The following GPR161 variants were observed in gnomAD, a reference collection of about 807,000 sequenced individuals.
The protein encoded by GPR161 is G-protein coupled receptor RE2.
A neutral mutation model predicts 39.2 loss-of-function variants in GPR161; 25 were observed. The ratio of observed to expected loss-of-function variants is 0.64; its 90% confidence interval spans 0.47 to 0.89. GPR161 has a LOEUF of 0.89. Among genes scored for constraint, GPR161 ranks in the 40% least tolerant of loss-of-function variants. GPR161 has a pLI of 0.00. For synonymous variants in GPR161, 286 were observed against 276.6 expected, an observed-to-expected ratio of 1.03 and a Z score of -0.34; for missense variants, 547 against 677.8, an observed-to-expected ratio of 0.81 and a Z score of 2.14.
chr1:168,084,368 T>A lies in GPR161; in HGVS notation c.*1163A>T. The A allele has an allele frequency of 9.7e-6, 2 of 205,166 alleles. No individual in the cohort carries two copies. Among genetic ancestry groups the A allele is most frequent in the South Asian group, 1.5e-4 (2 of 13,478 alleles). 12.7% of individuals were successfully genotyped at this position (205,166 alleles called of 1,614,324 possible). A position where few individuals can be genotyped will look rare whatever the true frequency, so the allele number is the denominator to read the frequency against. Reference sequence around the variant, plus strand: ...TTACAAATCCTGAGAACACCAAAGGTCAGAGCTGGAAATGATCTTGGAGAC... The same window carrying A: ...TTACAAATCCTGAGAACACCAAAGGACAGAGCTGGAAATGATCTTGGAGAC... On this transcript the variant is annotated 3_prime_UTR_variant, in exon 6 of 6. Transcript: ENST00000682931.
Position 168,085,723 on chromosome 1 carries a change from C to A in GPR161, c.1398G>T (p.Leu466Phe). 1 of 1,614,216 alleles carries A rather than the reference C, an allele frequency of 6.2e-7. No individual in the cohort carries two copies. The highest frequency in any genetic ancestry group is 1.3e-5 in the African/African-American group (1 of 75,064). Residue 466 changes from leucine to phenylalanine, a missense_variant, in exon 6 of 6, where the codon TTG (leucine) becomes TTT (phenylalanine). Coordinates refer to ENST00000682931, the MANE Select transcript of GPR161 (RefSeq NM_001375883.1). ...TGGCTTCGGCCTCAATGGCTTTGGCCAAGCTTGCTGCGTAACTGTCCAAGG... is the reference window on the plus strand; with the variant it reads ...TGGCTTCGGCCTCAATGGCTTTGGCAAAGCTTGCTGCGTAACTGTCCAAGG... ...HKSLDSYAAS[L>F]AKAIEAEAKI...
At position 168,082,284 on chromosome 1, in the gene GPR161, A is replaced by G. The variant is rs1272364038; in HGVS notation, c.*3247T>C. ...AATACCTGTGAACCTGGATGGGGTC[A>G]TGCATGTAAGCAGGCTAGCCAGGTG... On this transcript the variant is annotated 3_prime_UTR_variant, in exon 6 of 6. Coordinates refer to ENST00000682931, the MANE Select transcript of GPR161 (RefSeq NM_001375883.1). The G allele has an allele frequency of 6.6e-6, 1 of 152,300 alleles. No individual in the cohort carries two copies. Among genetic ancestry groups the G allele is most frequent in the Admixed American group, 6.5e-5 (1 of 15,292 alleles). The allele number at this position is 152,300 out of a possible 1,614,324, so 9.4% of individuals were successfully genotyped here.
intron 3 of GPR161, among the ~76,000 whole-genome samples, chr1:168,093,478 G>T (rs1158205756): frequency 6.6e-6 from 1 of 152,162 alleles, no homozygotes; most frequent in East Asian, 1.9e-4. Flanking sequence ...GAAATGTGTG[G>T]GATTCTGCTT....
intron 1 of GPR161, among the ~76,000 whole-genome samples, chr1:168,107,063 A>AC (rs11371544): frequency 0.33 from 50,496 of 151,918 alleles, 8,700 homozygotes; most frequent in Admixed American, 0.47. Flanking sequence ...CTACACATGT[A>AC]CCCCCAAATC....
At chr1:168,090,831 G>A (rs779797184) in intron 3 of GPR161, among the ~76,000 whole-genome samples, 163 bp from the exon 4 acceptor site, 3 of 152,150 alleles carry the variant, frequency 2.0e-5, no homozygotes, top group Non-Finnish European at 2.9e-5. Flanking sequence ...CTCCTGGCTC[G>A]CCCCTCTTTT....
intron 2 of GPR161, among the ~76,000 whole-genome samples, chr1:168,102,274 G>C (rs976319339): frequency 6.6e-6 from 1 of 152,174 alleles, no homozygotes. Flanking sequence ...TGCTGTTTAG[G>C]AACCTAGCTC....
chr1:168,128,229 C>A (rs1698730603), intron 1 of GPR161, among the ~76,000 whole-genome samples: 1 of 152,084 alleles, frequency 6.6e-6, no homozygotes, highest in Admixed American at 6.6e-5. Flanking sequence ...TGGGGAGGGT[C>A]TGAAAATATC....
rs983355148 is a variant in GPR161 at position 168,104,575 on chromosome 1, T to C, written c.276A>G (p.Glu92=). ...PFVVTSSIRR[E]WIFGVVWCNF... ...TGCACCACACTACACCAAAGATCCATTCCCTGCGGATGGAGCTCGTCACCA... is the reference window on the plus strand; with the variant it reads ...TGCACCACACTACACCAAAGATCCACTCCCTGCGGATGGAGCTCGTCACCA... The change falls in exon 2 of 6, where the codon GAA becomes GAG. Residue 92 remains glutamate (E), a synonymous_variant. Transcript: ENST00000682931. 1.2e-6 allele frequency: 2 copies of C among 1,613,978 alleles called. No individual in the cohort carries two copies. The highest frequency in any genetic ancestry group is 1.1e-5 in the South Asian group (1 of 91,066).
upstream of GPR161, chr1:168,137,508 G>T (rs1307228883): frequency 2.1e-6 from 2 of 947,266 alleles, no homozygotes; most frequent in East Asian, 5.2e-5. Context: ...AGTGGGGAGT[G>T]GACGTAAACA....
chr1:168,108,290 C>T (rs1696795924), intron 1 of GPR161, among the ~76,000 whole-genome samples: 1 of 151,920 alleles, frequency 6.6e-6, no homozygotes, highest in South Asian at 2.1e-4. Flanking sequence ...AACAAAAACA[C>T]CTCCCACCAG....
At position 168,111,045 on chromosome 1, in the gene GPR161, C is replaced by A. The variant is rs556054858; in HGVS notation, c.-44-6151G>T. Among the ~76,000 whole-genome samples the A allele has an allele frequency of 7.2e-5, 11 of 152,050 alleles. 2 individuals are homozygous for A. Among genetic ancestry groups the A allele is most frequent in the Middle Eastern group, 6.8e-3 (2 of 294 alleles). ...ACTGAAAGATGGTTCCTAGAAGAAA[C>A]GTCCGAGGAAATTACTCAGAATGCA... is the stretch of plus-strand genomic sequence containing the variant. On this transcript the variant is annotated intron_variant, in intron 1 of 5. Transcript: ENST00000682931.
chr1:168,114,009 C>T (rs1466765677), intron 1 of GPR161, among the ~76,000 whole-genome samples: 5 of 152,084 alleles, frequency 3.3e-5, no homozygotes, highest in Non-Finnish European at 7.4e-5. Flanking sequence ...TAAGGCAATA[C>T]TAGGGTATTG....
Position 168,136,817 on chromosome 1 carries a change from C to T in GPR161, c.-123G>A. Reference sequence around the variant, plus strand: ...CGGCCACCGCCGCCGCCGCTTCCTTCCTCCCCGCCGCGCTCCGGGACTGGA... The same window carrying T: ...CGGCCACCGCCGCCGCCGCTTCCTTTCTCCCCGCCGCGCTCCGGGACTGGA... On this transcript the variant is annotated 5_prime_UTR_variant, in exon 1 of 6. Transcript: ENST00000682931. 6.1e-6 allele frequency: 6 copies of T among 985,126 alleles called. No homozygotes were observed. Among genetic ancestry groups the T allele is most frequent in the Non-Finnish European group, 7.2e-6 (6 of 830,080 alleles). 61.0% of individuals were successfully genotyped at this position (985,126 alleles called of 1,614,324 possible).
chr1:168,110,579 AAAGAAAAGAAAAG>A (rs1300611243), intron 1 of GPR161, among the ~76,000 whole-genome samples: 2 of 111,644 alleles, frequency 1.8e-5, no homozygotes, highest in African/African-American at 9.1e-5. Flanking sequence ...AAAGAAAAGA[AAAGAAAAGAAAAG>A]AAAAGAGACA....
At chr1:168,095,610 T>C (rs1237182864) in intron 3 of GPR161, among the ~76,000 whole-genome samples, 1 of 152,112 alleles carries the variant, frequency 6.6e-6, no homozygotes, top group Non-Finnish European at 1.5e-5. Flanking sequence ...TACAAGGCCA[T>C]GATGCTTCGA....
intron 3 of GPR161, 71 bp from the exon 4 acceptor site, chr1:168,090,739 A>G: frequency 2.8e-6 from 2 of 716,426 alleles, no homozygotes; most frequent in South Asian, 1.8e-5. Context: ...CCGTTTCCCC[A>G]CAGACCCATC....
intron 1 of GPR161, among the ~76,000 whole-genome samples, chr1:168,108,486 T>TAAAAAAAAAA (rs10670498): frequency 0.01 from 183 of 17,460 alleles, 49 homozygotes; most frequent in African/African-American, 0.039. Flanking sequence ...GCCCTAGTTG[T>TAAAAAAAAAA]AAAAAAAAAA....
At chr1:168,117,034 C>T (rs1439032977) in intron 1 of GPR161, among the ~76,000 whole-genome samples, 3 of 152,146 alleles carry the variant, frequency 2.0e-5, no homozygotes, top group African/African-American at 7.2e-5. Flanking sequence ...CACCTCATTG[C>T]CCTTCACAAC....
intron 1 of GPR161, among the ~76,000 whole-genome samples, chr1:168,115,647 C>A (rs976461547): frequency 2.0e-5 from 3 of 152,184 alleles, no homozygotes; most frequent in Non-Finnish European, 4.4e-5. Context: ...TGAGAGCCTG[C>A]AAATCACAGG....
Sources: allele counts gnomAD v4.1 joint callset (sites outside exome capture counted in the v4.1 genomes callset), GRCh38; gene constraint gnomAD v4.1.1; transcripts MANE v1.5; gene names NCBI Gene and HGNC (gene_info 2026-07-23, HGNC 2026-07-21).